TNPO3: variants seen among roughly 807,000 people sequenced by gnomAD.
TNPO3 encodes the protein transportin 3.
Under a neutral mutation model 122.8 loss-of-function variants are expected in TNPO3, and 65 were observed. That is an observed-to-expected ratio of 0.53 (90% CI 0.43 to 0.65). The LOEUF (loss-of-function observed/expected upper bound fraction) is 0.65. Among genes scored for constraint, TNPO3 ranks in the 30% least tolerant of loss-of-function variants. The pLI, the probability that TNPO3 is intolerant of heterozygous loss-of-function variation, is 0.00. For synonymous variants in TNPO3, 372 were observed against 411.2 expected, an observed-to-expected ratio of 0.90 and a Z score of 1.15; for missense variants, 850 against 1,136.7, an observed-to-expected ratio of 0.75 and a Z score of 3.63.
At chr7:128,957,664 C>T (rs1797028664) in intron 21 of TNPO3, among the ~76,000 whole-genome samples, 4 of 152,306 alleles carry the variant, frequency 2.6e-5, no homozygotes, top group Middle Eastern at 6.8e-3. Context: ...GGATTAAAAT[C>T]GTCCACATAC....
At chr7:129,050,362 A>C (rs1387120790) in intron 1 of TNPO3, among the ~76,000 whole-genome samples, 29 of 125,308 alleles carry the variant, frequency 2.3e-4, no homozygotes, top group East Asian at 1.3e-3. Context: ...CCAGCCTGGG[A>C]GACAGCGAGA....
chr7:129,027,691 G>C (rs573790758), intron 1 of TNPO3, among the ~76,000 whole-genome samples: 162 of 150,372 alleles, frequency 1.1e-3, no homozygotes, highest in African/African-American at 3.6e-3. Context: ...GGGAATGGAA[G>C]AGCAGAGAGT....
In TNPO3 at chr7:129,054,973, T is replaced by G. The variant is rs1368147042; in HGVS notation, c.-203A>C. 8.1e-6 allele frequency: 5 copies of G among 618,378 alleles called. No homozygotes were observed. Among genetic ancestry groups the G allele is most frequent in the Non-Finnish European group, 1.4e-5 (5 of 362,368 alleles). 38.3% of individuals were successfully genotyped at this position (618,378 alleles called of 1,614,324 possible). On this transcript the variant is annotated 5_prime_UTR_variant, in exon 1 of 23. Transcript: ENST00000265388. Reference sequence around the variant, plus strand: ...AACAGCTATTAGGTCGTATTCAGGTTCCTGGCCTTTTTTCCGGTTTTTCCA... The same window carrying G: ...AACAGCTATTAGGTCGTATTCAGGTGCCTGGCCTTTTTTCCGGTTTTTCCA...
chr7:129,035,390 G>C (rs1563110345), intron 1 of TNPO3, among the ~76,000 whole-genome samples: 1 of 152,164 alleles, frequency 6.6e-6, no homozygotes, highest in Non-Finnish European at 1.5e-5. Context: ...ATCACTTGAA[G>C]CTAGGAGCTC....
intron 21 of TNPO3, among the ~76,000 whole-genome samples, chr7:128,957,832 A>G (rs1438358407): frequency 6.6e-6 from 1 of 152,194 alleles, no homozygotes; most frequent in Non-Finnish European, 1.5e-5. Context: ...AGTCTCCACC[A>G]GTCATTGATT....
intron 20 of TNPO3, among the ~76,000 whole-genome samples, chr7:128,968,277 T>TA (rs1798117808): frequency 6.6e-6 from 1 of 152,234 alleles, no homozygotes; most frequent in South Asian, 2.1e-4. Context: ...TTCTTTGTGT[T>TA]AAAAAACCTT....
chr7:129,034,894 CAA>C (rs1219082555), intron 1 of TNPO3, among the ~76,000 whole-genome samples: 5 of 48,390 alleles, frequency 1.0e-4, no homozygotes, highest in South Asian at 7.2e-4. Context: ...GACTCTGTCT[CAA>C]AAAAAAAAAA....
intron 20 of TNPO3, among the ~76,000 whole-genome samples, chr7:128,968,190 C>G (rs567958664): frequency 3.1e-4 from 47 of 152,240 alleles, no homozygotes; most frequent in African/African-American, 1.1e-3. Flanking sequence ...ACATATGAGT[C>G]CAGAATCTTA....
At chr7:129,027,542 C>T (rs1489540742) in intron 1 of TNPO3, among the ~76,000 whole-genome samples, 1 of 92,926 alleles carries the variant, frequency 1.1e-5, no homozygotes, top group African/African-American at 4.3e-5. Flanking sequence ...GCCTGGGCAA[C>T]AGAGCAAGAC....
chr7:128,985,205 T>C lies in TNPO3; in HGVS notation c.1691-946A>G, dbSNP rs186683596. 4.3e-3 allele frequency among the ~76,000 whole-genome samples: 660 copies of C among 152,350 alleles called. 3 individuals are homozygous for C. The highest frequency in any genetic ancestry group is 7.1e-3 in the Non-Finnish European group (480 of 68,024). ...AATCTTCTTGGCCATCTATAAGCCA[T>C]AGACGAGTTAGACTTTTCTTTAAAA... is the stretch of plus-strand genomic sequence containing the variant. On this transcript the variant is annotated intron_variant, in intron 12 of 22. Coordinates refer to ENST00000265388, the MANE Select transcript of TNPO3 (RefSeq NM_012470.4).
In TNPO3 at chr7:129,013,997, G is replaced by T. The variant is rs78724056; in HGVS notation, c.552+982C>A. On this transcript the variant is annotated intron_variant, in intron 4 of 22. Transcript: ENST00000265388. Reference sequence around the variant, plus strand: ...TAACGGGGAGGGGACGACCAAGAAAGGTTGATTAACGGGTACACAAATACA... The same window carrying T: ...TAACGGGGAGGGGACGACCAAGAAATGTTGATTAACGGGTACACAAATACA... Among the ~76,000 whole-genome samples the T allele has an allele frequency of 2.3e-3, 349 of 152,262 alleles. 9 individuals are homozygous for T. In the East Asian group the frequency reaches 0.057, roughly 25 times the overall value.
chr7:129,028,886 G>C, intron 1 of TNPO3: 1 of 326,326 alleles, frequency 3.1e-6, no homozygotes, highest in Non-Finnish European at 5.9e-6. Flanking sequence ...GGAACATCAA[G>C]AAACCATGAA....
intron 9 of TNPO3, among the ~76,000 whole-genome samples, chr7:128,992,300 C>T (rs1019525936): frequency 1.3e-5 from 2 of 151,946 alleles, no homozygotes; most frequent in Non-Finnish European, 2.9e-5. Context: ...CATTTAGACC[C>T]GCAAGAGTTT....
At chr7:129,000,955 G>A in intron 6 of TNPO3, 104 bp downstream of exon 6, 1 of 1,337,980 alleles carries the variant, frequency 7.5e-7, no homozygotes, top group Non-Finnish European at 1.0e-6. Context: ...GTACTTTACA[G>A]AATCACTGAG....
intron 20 of TNPO3, among the ~76,000 whole-genome samples, 185 bp from the exon 21 acceptor site, chr7:128,967,577 TCTG>T (rs1798045125): frequency 6.6e-6 from 1 of 152,246 alleles, no homozygotes; most frequent in South Asian, 2.1e-4. Context: ...GTTGATGCAG[TCTG>T]CATATGCATG....
In TNPO3 at chr7:128,986,909, C is replaced by T; in HGVS notation, c.1510G>A (p.Gly504Ser). The change falls in exon 12 of 23, where the codon GGC (glycine) becomes AGC (serine). Residue 504 changes from glycine to serine, a missense_variant. Physicochemically the swap from Gly to Ser is moderately conservative, Grantham distance 56 (BLOSUM62 0). Transcript: ENST00000265388. ...RNPQFLDPVLGYLMKGLCEKP... is the reference protein window; with the variant it reads ...RNPQFLDPVLSYLMKGLCEKP... ...TCACACAGGCCTTTCATCAAATAGCCCAACACAGGGTCTAAGAAGAAAAGC... is the reference window on the plus strand; with the variant it reads ...TCACACAGGCCTTTCATCAAATAGCTCAACACAGGGTCTAAGAAGAAAAGC... The T allele has an allele frequency of 1.2e-6, 2 of 1,611,456 alleles. No individual in the cohort carries two copies. Among genetic ancestry groups the T allele is most frequent in the East Asian group, 4.5e-5 (2 of 44,842 alleles).
chr7:128,993,790 T>C lies in TNPO3; in HGVS notation c.1266+17A>G. 2.5e-6 allele frequency: 4 copies of C among 1,597,378 alleles called. No homozygotes were observed. Among genetic ancestry groups the C allele is most frequent in the South Asian group, 1.1e-5 (1 of 88,610 alleles). On this transcript the variant is annotated intron_variant, in intron 9 of 22. Transcript: ENST00000265388. ...AGGTGACTAGTAAAACTGGAAACAATCTCCAAATAGGCTTACCTGAGCAAA... is the reference window on the plus strand; with the variant it reads ...AGGTGACTAGTAAAACTGGAAACAACCTCCAAATAGGCTTACCTGAGCAAA...
At chr7:129,037,708 G>A (rs559778160) in intron 1 of TNPO3, among the ~76,000 whole-genome samples, 9 of 152,086 alleles carry the variant, frequency 5.9e-5, no homozygotes, top group Non-Finnish European at 8.8e-5. Flanking sequence ...CTTAGGCTAC[G>A]GGGAGGGGGC....
At chr7:129,023,502 A>C (rs1262577646) in intron 1 of TNPO3, among the ~76,000 whole-genome samples, 1 of 152,144 alleles carries the variant, frequency 6.6e-6, no homozygotes, top group African/African-American at 2.4e-5. Flanking sequence ...TTCCCACTAA[A>C]AGATACCAAT....
Sources: allele counts gnomAD v4.1 joint callset (sites outside exome capture counted in the v4.1 genomes callset), GRCh38; gene constraint gnomAD v4.1.1; transcripts MANE v1.5; gene names NCBI Gene and HGNC (gene_info 2026-07-23, HGNC 2026-07-21).